NCOA7: variants seen among roughly 807,000 people sequenced by gnomAD.
NCOA7 encodes 140 kDa estrogen receptor-associated protein.
In NCOA7, 45 loss-of-function variants were observed where a neutral mutation model predicts 104.3. The ratio of observed to expected loss-of-function variants is 0.43; its 90% CI spans 0.34 to 0.55. The LOEUF (loss-of-function observed/expected upper bound fraction) is 0.55, where lower values mean the gene tolerates loss of function less well. Among genes scored for constraint, NCOA7 ranks in the 20% least tolerant of loss-of-function variants. NCOA7 has a pLI of 0.02. For missense variants in NCOA7, 1,041 were observed against 1,119.7 expected, an observed-to-expected ratio of 0.93 and a Z score of 1.00; for synonymous variants, 398 against 402.3, an observed-to-expected ratio of 0.99 and a Z score of 0.13.
chr6:125,891,624 C>T (rs1033272456), intron 10 of NCOA7, among the ~76,000 whole-genome samples: 1 of 152,216 alleles, frequency 6.6e-6, no homozygotes, highest in African/African-American at 2.4e-5. Context: ...CAAATACACT[C>T]AGCAAGCTTC....
At chr6:125,786,093 G>T (rs1774452313), upstream of NCOA7, 1 of 152,162 alleles carries the variant, frequency 6.6e-6, no homozygotes. Flanking sequence ...ATGAGCCACT[G>T]CCTTAAATAC....
intron 10 of NCOA7, among the ~76,000 whole-genome samples, chr6:125,912,120 G>A (rs1479771123): frequency 2.6e-5 from 4 of 152,166 alleles, no homozygotes; most frequent in East Asian, 1.9e-4. Flanking sequence ...CCTTCAATTC[G>A]TGCTGTACAG....
At chr6:125,890,036 A>T in intron 9 of NCOA7, 55 bp downstream of exon 9, 1 of 1,338,134 alleles carries the variant, frequency 7.5e-7, no homozygotes, top group African/African-American at 1.5e-5. Context: ...GCCTTTCTAC[A>T]ATTTGCACAT....
Position 125,885,323 on chromosome 6 carries a change from G to T in NCOA7, c.864G>T (p.Lys288Asn). 6.2e-7 allele frequency: 1 copy of T among 1,613,576 alleles called. No individual in the cohort carries two copies. The highest frequency in any genetic ancestry group is 8.5e-7 in the Non-Finnish European group (1 of 1,179,618). The change falls in exon 8 of 16, where the codon AAG becomes AAT. Residue 288 changes from lysine (K) to asparagine (N), a missense_variant. Physicochemically the swap from Lys to Asn is moderately conservative, Grantham distance 94. Around this residue, in one of 2 missense-constraint regions of NCOA7, gnomAD observed 914 missense variants for 942.7 expected, o/e 0.97. Coordinates refer to ENST00000392477, the MANE Select transcript of NCOA7 (RefSeq NM_181782.5). ...TCTACAATGACATTTCTCACATGAA[G>T]ATCAAAGATGCCTTGCCATCGTAAG... ...IALYNDISHM[K>N]IKDALPSDLP...
intron 11 of NCOA7, among the ~76,000 whole-genome samples, chr6:125,919,627 T>G (rs1264884253): frequency 6.6e-6 from 1 of 152,156 alleles, no homozygotes; most frequent in Non-Finnish European, 1.5e-5. Flanking sequence ...ATATTTGATT[T>G]TTTTTCATTC....
Position 125,889,386 on chromosome 6 carries a change from A to G in NCOA7, c.1332A>G (p.Pro444=), listed in dbSNP as rs1784466317. The G allele has an allele frequency of 6.2e-7, 1 of 1,613,930 alleles. No individual in the cohort carries two copies. The highest frequency in any genetic ancestry group is 8.5e-7 in the Non-Finnish European group (1 of 1,179,944). ...TGAAGGAGTGCCTTTCTCTTGACCC[A>G]GAGGAACGAAAGAAAGCTGAGTCAC... ...DTLKECLSLD[P]EERKKAESQI... is the part of the protein sequence containing the mutation. The change falls in exon 9 of 16, where the codon CCA becomes CCG. Residue 444 remains proline, a synonymous_variant. Transcript: ENST00000392477.
chr6:125,783,702 A>C (rs1370498360), intron 1 of NCOA7, among the ~76,000 whole-genome samples: 1 of 152,232 alleles, frequency 6.6e-6, no homozygotes, highest in African/African-American at 2.4e-5. Context: ...ACTTTCAAGC[A>C]CAACATGGCC....
intron 2 of NCOA7, among the ~76,000 whole-genome samples, chr6:125,829,948 T>G (rs1779017922): frequency 6.6e-6 from 1 of 152,210 alleles, no homozygotes; most frequent in South Asian, 2.1e-4. Context: ...ATAAAATCTT[T>G]TAGTCGAAAT....
chr6:125,804,651 C>T (rs184027473), intron 1 of NCOA7, among the ~76,000 whole-genome samples: 3 of 152,096 alleles, frequency 2.0e-5, no homozygotes, highest in African/African-American at 7.2e-5. Context: ...TGAGAGAATG[C>T]ATTCAATATA....
intron 13 of NCOA7, among the ~76,000 whole-genome samples, chr6:125,924,075 A>C (rs977589412): frequency 2.0e-5 from 3 of 152,230 alleles, no homozygotes; most frequent in Non-Finnish European, 4.4e-5. Context: ...AAAAAAATTA[A>C]AATAATGATA....
chr6:125,877,104 T>C (rs1207267486), intron 4 of NCOA7, among the ~76,000 whole-genome samples: 1 of 152,226 alleles, frequency 6.6e-6, no homozygotes, highest in Non-Finnish European at 1.5e-5. Context: ...ATATGTTGTT[T>C]ACTTTAGTGA....
intron 5 of NCOA7, among the ~76,000 whole-genome samples, chr6:125,879,867 G>T (rs968342478): frequency 7.9e-5 from 12 of 152,078 alleles, no homozygotes; most frequent in Non-Finnish European, 1.6e-4. Context: ...AGCCAGGCTT[G>T]GTGGTGGGTT....
intron 2 of NCOA7, among the ~76,000 whole-genome samples, chr6:125,835,776 A>G (rs538682532): frequency 6.6e-6 from 1 of 152,324 alleles, no homozygotes; most frequent in East Asian, 1.9e-4. Context: ...AGTCCTACCC[A>G]GATCTGGTAT....
intron 3 of NCOA7, among the ~76,000 whole-genome samples, chr6:125,866,392 G>A (rs1782447699): frequency 6.6e-6 from 1 of 151,996 alleles, no homozygotes; most frequent in South Asian, 2.1e-4. Context: ...GAATCTCTCT[G>A]CATTGATTTG....
At chr6:125,871,357 A>G (rs1463816018) in intron 3 of NCOA7, among the ~76,000 whole-genome samples, 1 of 152,206 alleles carries the variant, frequency 6.6e-6, no homozygotes, top group South Asian at 2.1e-4. Flanking sequence ...CGCCAGGGCC[A>G]GAAGCACCTC....
chr6:125,783,428 C>A (rs768860618), intron 1 of NCOA7, among the ~76,000 whole-genome samples: 2 of 152,156 alleles, frequency 1.3e-5, no homozygotes, highest in Non-Finnish European at 2.9e-5. Flanking sequence ...ATAGTGATGG[C>A]AAAATGGTGA....
intron 1 of NCOA7, among the ~76,000 whole-genome samples, chr6:125,784,088 T>C (rs1364501165): frequency 5.9e-5 from 9 of 152,242 alleles, no homozygotes; most frequent in Admixed American, 2.0e-4. Context: ...AGTGCCAATT[T>C]CTGATTTGAA....
intron 2 of NCOA7, among the ~76,000 whole-genome samples, chr6:125,834,110 G>A (rs1299699089): frequency 2.6e-5 from 4 of 152,108 alleles, no homozygotes. Flanking sequence ...TTCATACACA[G>A]TGGAAGAGTA....
chr6:125,845,292 A>G (rs1266423368), intron 2 of NCOA7, among the ~76,000 whole-genome samples: 1 of 152,190 alleles, frequency 6.6e-6, no homozygotes, highest in Non-Finnish European at 1.5e-5. Flanking sequence ...GTGATGTGGG[A>G]TTGCAGTCCA....
Sources: allele counts gnomAD v4.1 joint callset (sites outside exome capture counted in the v4.1 genomes callset), GRCh38; gene constraint gnomAD v4.1.1; regional missense constraint gnomAD v4.1.1; transcripts MANE v1.5; gene names NCBI Gene and HGNC (gene_info 2026-07-23, HGNC 2026-07-21).